C6orf118: variants seen among roughly 807,000 people sequenced by gnomAD.
C6orf118 encodes chromosome 6 open reading frame 118.
Under a neutral mutation model 50.2 loss-of-function variants are expected in C6orf118, and 50 were observed. That is an observed-to-expected ratio of 1.00 (90% CI 0.79 to 1.26). C6orf118 has a LOEUF of 1.26. C6orf118 is among the 50% of genes most tolerant of loss of function. The probability of loss-of-function intolerance (pLI) is 0.00; values close to 1 mark genes in which losing one functional copy is unlikely to be tolerated. For synonymous variants in C6orf118, 239 were observed against 230.9 expected (o/e 1.03, Z -0.32); for missense variants, 641 against 578.7 (o/e 1.11, Z -1.10).
At chr6:165,288,299 G>A (rs1779983962) in intron 7 of C6orf118, among the ~76,000 whole-genome samples, 1 of 152,210 alleles carries the variant, frequency 6.6e-6, no homozygotes, top group East Asian at 1.9e-4. Context: ...TGGCAAAGTT[G>A]TGGAGAAATA....
chr6:165,280,851 G>A (rs1412747763), intron 8 of C6orf118, among the ~76,000 whole-genome samples: 1 of 152,172 alleles, frequency 6.6e-6, no homozygotes, highest in Non-Finnish European at 1.5e-5. Context: ...AGGAGCCCTA[G>A]TTCCTTAATG....
intron 5 of C6orf118, 72 bp downstream of exon 5, chr6:165,297,905 C>T (rs1452802227): frequency 5.0e-6 from 8 of 1,598,004 alleles, no homozygotes; most frequent in Non-Finnish European, 6.0e-6. Context: ...TAACCGTAGG[C>T]TTGTCACAGC....
At chr6:165,309,018 A>G (rs1374743101) in intron 1 of C6orf118, among the ~76,000 whole-genome samples, 1 of 152,198 alleles carries the variant, frequency 6.6e-6, no homozygotes, top group Non-Finnish European at 1.5e-5. Context: ...TTCGAAGTCA[A>G]AAGACCTGGG....
chr6:165,297,396 T>C (rs1780346506), intron 5 of C6orf118, among the ~76,000 whole-genome samples: 1 of 140,572 alleles, frequency 7.1e-6, no homozygotes, highest in Non-Finnish European at 1.5e-5. Flanking sequence ...AGAGCAAGTC[T>C]CCATTAAAAA....
chr6:165,279,883 C>A lies in C6orf118; in HGVS notation c.*174G>T. On this transcript the variant is annotated 3_prime_UTR_variant, in exon 9 of 9. Coordinates refer to ENST00000230301, the MANE Select transcript of C6orf118 (RefSeq NM_144980.4). ...GCAACAGAAACTAATCATGTGTACG[C>A]ATGTGTGTATTTCAGTATCCTGAGT... 1 of 562,206 alleles carries A rather than the reference C, an allele frequency of 1.8e-6. No homozygotes were observed. The highest frequency in any genetic ancestry group is 3.0e-6 in the Non-Finnish European group (1 of 331,782). 34.8% of individuals were successfully genotyped at this position (562,206 alleles called of 1,614,324 possible).
At chr6:165,283,762 CAGAA>C (rs1206154424) in intron 7 of C6orf118, among the ~76,000 whole-genome samples, 2 of 152,114 alleles carry the variant, frequency 1.3e-5, no homozygotes, top group Non-Finnish European at 2.9e-5. Context: ...AGCAAACAAA[CAGAA>C]AGCAACAACA....
At chr6:165,287,070 C>A (rs1168211491) in intron 7 of C6orf118, among the ~76,000 whole-genome samples, 2 of 152,164 alleles carry the variant, frequency 1.3e-5, no homozygotes, top group South Asian at 2.1e-4. Context: ...TGATAAGCAA[C>A]TTCAGCAAAG....
In C6orf118 at chr6:165,302,300, G is replaced by A. The variant is rs537895230; in HGVS notation, c.26-4C>T. 1.2e-6 allele frequency: 2 copies of A among 1,608,654 alleles called. No individual in the cohort carries two copies. Among genetic ancestry groups the A allele is most frequent in the South Asian group, 2.2e-5 (2 of 91,024 alleles). On this transcript the variant is annotated splice_region_variant and splice_polypyrimidine_tract_variant and intron_variant, in intron 1 of 8. Transcript: ENST00000230301. ...CAGTGCTTCCACTTCAGGTACACTG[G>A]TCAGAAAAGAAAAGGAGGCTCTTAG...
intron 7 of C6orf118, among the ~76,000 whole-genome samples, chr6:165,288,303 A>G (rs1162588441): frequency 6.6e-6 from 1 of 152,234 alleles, no homozygotes; most frequent in Non-Finnish European, 1.5e-5. Context: ...AAAGTTGTGG[A>G]GAAATAGGAA....
intron 7 of C6orf118, among the ~76,000 whole-genome samples, chr6:165,285,019 GC>G (rs750547067): frequency 6.6e-6 from 1 of 152,094 alleles, no homozygotes; most frequent in Non-Finnish European, 1.5e-5. Flanking sequence ...ATACAGAATG[GC>G]AAGCTAGATA....
At chr6:165,287,853 C>T (rs1779966253) in intron 7 of C6orf118, among the ~76,000 whole-genome samples, 2 of 152,062 alleles carry the variant, frequency 1.3e-5, no homozygotes, top group Admixed American at 1.3e-4. Context: ...TAAGCAATAC[C>T]ATTCAGGATA....
At chr6:165,303,371 A>C (rs1405269375) in intron 1 of C6orf118, among the ~76,000 whole-genome samples, 1 of 151,434 alleles carries the variant, frequency 6.6e-6, no homozygotes, top group Non-Finnish European at 1.5e-5. Context: ...GAAAGCAGGA[A>C]AGATCCAAAA....
At chr6:165,284,774 C>A (rs1779846945) in intron 7 of C6orf118, among the ~76,000 whole-genome samples, 1 of 152,128 alleles carries the variant, frequency 6.6e-6, no homozygotes, top group South Asian at 2.1e-4. Flanking sequence ...CAAGAAAATG[C>A]TGAGGGAATT....
chr6:165,298,089 G>T lies in C6orf118; in HGVS notation c.949C>A (p.Gln317Lys), dbSNP rs1562331707. 1.2e-6 allele frequency: 2 copies of T among 1,600,678 alleles called. No homozygotes were observed. The highest frequency in any genetic ancestry group is 3.4e-5 in the Admixed American group (2 of 58,552). Residue 317 changes from glutamine (Q) to lysine (K), a missense_variant, in exon 5 of 9, where the codon CAA (glutamine) becomes AAA (lysine). By Grantham distance (53) the Gln-to-Lys change is moderately conservative. Coordinates refer to ENST00000230301, the MANE Select transcript of C6orf118 (RefSeq NM_144980.4). ...GGCCTCTGCCCCAGCGCCTTGAGTT[G>T]AGCCAGAAGAGCCTAGGCAGGACCA... The part of the protein sequence containing the change: ...PAAQYEALLA[Q>K]LKALGQRPVK...
At chr6:165,290,662 T>C (rs999241257) in intron 6 of C6orf118, among the ~76,000 whole-genome samples, 2 of 152,152 alleles carry the variant, frequency 1.3e-5, no homozygotes, top group African/African-American at 4.8e-5. Flanking sequence ...GCTTTTAATA[T>C]GGGCAGAGAC....
chr6:165,289,954 C>T lies in C6orf118; in HGVS notation c.1234G>A (p.Glu412Lys). 1 of 1,610,956 alleles carries T rather than the reference C, an allele frequency of 6.2e-7. No homozygotes were observed. The stretch of plus-strand genomic sequence containing the variant: ...GTATGAACCAAAGTTGTTTTAATTT[C>T]TTTTTCCAGAGCTTGTATCTCATCC... ...KWDEIQALEK[E>K]IKTTLVHTGI... Residue 412 changes from glutamate (E) to lysine (K), a missense_variant, in exon 7 of 9, where the codon GAA becomes AAA. Coordinates refer to ENST00000230301, the MANE Select transcript of C6orf118 (RefSeq NM_144980.4).
At chr6:165,299,527 A>G in intron 3 of C6orf118, 25 bp from the exon 4 acceptor site, 1 of 1,609,352 alleles carries the variant, frequency 6.2e-7, no homozygotes, top group Non-Finnish European at 8.5e-7. Flanking sequence ...ACAAAAGTCC[A>G]CTGGCCATGT....
chr6:165,293,241 C>T, intron 6 of C6orf118, 172 bp downstream of exon 6: 2 of 681,628 alleles, frequency 2.9e-6, no homozygotes, highest in South Asian at 3.4e-5. Flanking sequence ...CACCACGTGC[C>T]AGGCCCTGTG....
At chr6:165,295,651 T>A (rs375467372) in intron 5 of C6orf118, among the ~76,000 whole-genome samples, 8,695 of 120,260 alleles carry the variant, frequency 0.072, 299 homozygotes, top group Non-Finnish European at 0.092. Context: ...GATTTATTGT[T>A]TTTTTTTTTC....
Sources: gnomAD v4.1 joint callset for allele counts (sites outside exome capture counted in the v4.1 genomes callset) on GRCh38, gnomAD v4.1.1 for gene constraint, MANE v1.5 for transcripts, NCBI Gene and HGNC (gene_info 2026-07-23, HGNC 2026-07-21) for gene names.